The following KL variants were observed in gnomAD, a reference collection of about 807,000 sequenced individuals.
KL encodes the protein alpha-klotho.
A neutral mutation model predicts 84.2 loss-of-function variants in KL; 62 were observed. The observed-to-expected ratio is 0.74, with a 90% CI of 0.60 to 0.91. The LOEUF (loss-of-function observed/expected upper bound fraction) is 0.91, where lower values mean the gene tolerates loss of function less well. Ranked by LOEUF, KL falls within the 40% of genes least tolerant of loss-of-function variation. The pLI is 0.00. For synonymous variants in KL, 528 were observed against 528.0 expected, an observed-to-expected ratio of 1.00 and a Z score of 0.00; for missense variants, 1,261 against 1,305.7, an observed-to-expected ratio of 0.97 and a Z score of 0.53.
Position 33,040,134 on chromosome 13 carries a change from T to G in KL, c.820-13633T>G, listed in dbSNP as rs193242090. 3.8e-3 allele frequency among the ~76,000 whole-genome samples: 576 copies of G among 152,338 alleles called. 5 individuals carry two copies. The highest frequency in any genetic ancestry group is 0.011 in the Admixed American group (161 of 15,302). On this transcript the variant is annotated intron_variant, in intron 1 of 4. Transcript: ENST00000380099. ...TTTTTGTGGATAAAGTTGTAGATAG[T>G]TATTTTTGGGAAATTATTTATGTGT...
intron 1 of KL, among the ~76,000 whole-genome samples, chr13:33,036,574 T>C (rs7982726): frequency 0.17 from 26,484 of 152,016 alleles, 2,488 homozygotes; most frequent in African/African-American, 0.24. Flanking sequence ...AGCAAAACAA[T>C]CTCAGGGAAG....
At position 33,064,318 on chromosome 13, in the gene KL, T is replaced by A; in HGVS notation, c.*132T>A. On this transcript the variant is annotated 3_prime_UTR_variant, in exon 5 of 5. Coordinates refer to ENST00000380099, the MANE Select transcript of KL (RefSeq NM_004795.4). ...GACTTCTAGAAAACATTTTTGTGGCTTATGACAGAGGTTTTGAAATGGGCA... is the reference window on the plus strand; with the variant it reads ...GACTTCTAGAAAACATTTTTGTGGCATATGACAGAGGTTTTGAAATGGGCA... The A allele has an allele frequency of 1.4e-6, 1 of 711,138 alleles. No homozygotes were observed. Among genetic ancestry groups the A allele is most frequent in the Non-Finnish European group, 2.3e-6 (1 of 431,914 alleles). The allele number at this position is 711,138 out of a possible 1,614,324, so 44.1% of individuals were successfully genotyped here. A position where few individuals can be genotyped will look rare whatever the true frequency, so the allele number is the denominator to read the frequency against.
Position 33,060,870 on chromosome 13 carries a change from G to T in KL, c.1791G>T (p.Leu597=), listed in dbSNP as rs1389374576. The change falls in exon 4 of 5, where the codon CTG becomes CTT. Residue 597 remains leucine (L), a synonymous_variant. Coordinates refer to ENST00000380099, the MANE Select transcript of KL (RefSeq NM_004795.4). ...EMHVTHFRFS[L]DWALILPLGN... ...ACGTTACACATTTTCGCTTCTCCCT[G>T]GACTGGGCCCTGATTCTCCCTCTGG... 2 of 1,614,066 alleles carry T rather than the reference G, an allele frequency of 1.2e-6. No homozygotes were observed. The highest frequency in any genetic ancestry group is 1.7e-6 in the Non-Finnish European group (2 of 1,180,030).
chr13:33,042,139 C>A (rs1045450593), intron 1 of KL, among the ~76,000 whole-genome samples: 2 of 152,198 alleles, frequency 1.3e-5, no homozygotes, highest in East Asian at 3.9e-4. Flanking sequence ...AATCAGTATT[C>A]TCTTGCCACA....
At chr13:33,020,707 A>G (rs1004562708) in intron 1 of KL, among the ~76,000 whole-genome samples, 2 of 152,194 alleles carry the variant, frequency 1.3e-5, no homozygotes, top group Non-Finnish European at 2.9e-5. Context: ...TGTGTCCAGA[A>G]TCAAACCACT....
chr13:33,027,256 G>C (rs1299854527), intron 1 of KL, among the ~76,000 whole-genome samples: 1 of 152,126 alleles, frequency 6.6e-6, no homozygotes, highest in Non-Finnish European at 1.5e-5. Context: ...TTTAATCCTC[G>C]TTAGTGCCGG....
chr13:33,058,219 G>A (rs1290300507), intron 3 of KL, among the ~76,000 whole-genome samples: 1 of 151,698 alleles, frequency 6.6e-6, no homozygotes, highest in African/African-American at 2.4e-5. Flanking sequence ...CTAAATACAT[G>A]TTTTAATAGC....
At chr13:33,050,926 A>G (rs962060291) in intron 1 of KL, among the ~76,000 whole-genome samples, 1 of 152,174 alleles carries the variant, frequency 6.6e-6, no homozygotes, top group African/African-American at 2.4e-5. Context: ...TGAGGCTCAC[A>G]CCGGTCATAG....
At chr13:33,046,994 T>C (rs949230508) in intron 1 of KL, among the ~76,000 whole-genome samples, 6 of 152,182 alleles carry the variant, frequency 3.9e-5, no homozygotes, top group Non-Finnish European at 8.8e-5. Flanking sequence ...CATTTCATTG[T>C]GGTAAGAAAC....
intron 1 of KL, among the ~76,000 whole-genome samples, chr13:33,021,643 G>A (rs930282151): frequency 2.6e-5 from 4 of 152,216 alleles, no homozygotes; most frequent in Non-Finnish European, 1.5e-5. Flanking sequence ...AGCACTTTGG[G>A]AGGCTGAGGC....
intron 1 of KL, among the ~76,000 whole-genome samples, chr13:33,050,875 C>T (rs7987923): frequency 0.16 from 23,721 of 152,156 alleles, 1,951 homozygotes; most frequent in African/African-American, 0.18. Context: ...AGTGTCCCTA[C>T]GGGACAATAG....
Position 33,016,475 on chromosome 13 carries a change from CG to C in KL, c.36del (p.Pro13ArgfsTer112). ...PASAPPRRPR[P>X]PPPSLSLLLV... The stretch of plus-strand genomic sequence containing the variant: ...AGCGCCCCGCCGCGCCGCCCGCGGC[CG>C]CCGCCGCCGTCGCTGTCGCTGCTGC... On this transcript the variant is annotated frameshift_variant, in exon 1 of 5. Transcript: ENST00000380099. LOFTEE classifies it high-confidence loss of function. The C allele has an allele frequency of 9.2e-7, 1 of 1,083,286 alleles. No homozygotes were observed. The highest frequency in any genetic ancestry group is 1.1e-6 in the Non-Finnish European group (1 of 894,150). The allele number at this position is 1,083,286 out of a possible 1,614,324, so 67.1% of individuals were successfully genotyped here. A position where few individuals can be genotyped will look rare whatever the true frequency, so the allele number is the denominator to read the frequency against.
chr13:33,026,079 G>A (rs1870765539), intron 1 of KL, among the ~76,000 whole-genome samples: 1 of 152,210 alleles, frequency 6.6e-6, no homozygotes, highest in African/African-American at 2.4e-5. Context: ...TTAAAAGGCA[G>A]CCCATGTTAT....
At chr13:33,019,319 C>T (rs1004247587) in intron 1 of KL, among the ~76,000 whole-genome samples, 10 of 150,728 alleles carry the variant, frequency 6.6e-5, no homozygotes, top group East Asian at 1.9e-4. Context: ...TTGGGGGAAG[C>T]GAGAATAGAA....
chr13:33,022,186 T>C (rs1566498023), intron 1 of KL, among the ~76,000 whole-genome samples: 1 of 152,250 alleles, frequency 6.6e-6, no homozygotes, highest in Non-Finnish European at 1.5e-5. Flanking sequence ...ATTCAAGTAA[T>C]GTCAATGCAC....
Position 33,017,033 on chromosome 13 carries a change from A to T in KL, c.593A>T (p.Gln198Leu), listed in dbSNP as rs1353045356. 6.3e-7 allele frequency: 1 copy of T among 1,599,834 alleles called. No individual in the cohort carries two copies. The highest frequency in any genetic ancestry group is 1.3e-5 in the African/African-American group (1 of 74,854). Residue 198 changes from glutamine (Q) to leucine (L), a missense_variant, in exon 1 of 5, where the codon CAG (glutamine) becomes CTG (leucine). Physicochemically the swap from Gln to Leu is moderately radical, Grantham distance 113. Coordinates refer to ENST00000380099, the MANE Select transcript of KL (RefSeq NM_004795.4). ...VVTLYHWDLP[Q>L]RLQDAYGGWA... ...ACCCTGTACCACTGGGACCTGCCCC[A>T]GCGCCTGCAGGACGCCTACGGCGGC...
intron 1 of KL, among the ~76,000 whole-genome samples, chr13:33,022,453 G>A (rs549571216): frequency 3.9e-5 from 6 of 152,152 alleles, no homozygotes; most frequent in Non-Finnish European, 7.4e-5. Flanking sequence ...AGTAATAATA[G>A]GTGAGTAAAA....
chr13:33,052,849 T>A (rs1185851717), intron 1 of KL, among the ~76,000 whole-genome samples: 1 of 152,090 alleles, frequency 6.6e-6, no homozygotes, highest in African/African-American at 2.4e-5. Flanking sequence ...CTTGTATTTG[T>A]AGGAAAATAG....
At chr13:33,053,173 T>C (rs1194583182) in intron 1 of KL, among the ~76,000 whole-genome samples, 2 of 152,162 alleles carry the variant, frequency 1.3e-5, no homozygotes, top group African/African-American at 4.8e-5. Flanking sequence ...GTCCCAGAGT[T>C]CTGGAGGGTA....
Sources: allele counts gnomAD v4.1 joint callset (sites outside exome capture counted in the v4.1 genomes callset), GRCh38; gene constraint gnomAD v4.1.1; transcripts MANE v1.5; gene names NCBI Gene and HGNC (gene_info 2026-07-23, HGNC 2026-07-21).